The following NRDC variants were observed in gnomAD, a reference collection of about 807,000 sequenced individuals.
NRDC encodes the protein nardilysin.
NRDC carries 54 observed loss-of-function variants against 147.1 expected under a neutral mutation model. That is an observed-to-expected ratio of 0.37 (90% confidence interval 0.29 to 0.46). The LOEUF is 0.46. Ranked by LOEUF, NRDC falls within the 20% of genes least tolerant of loss-of-function variation. The pLI is 1.00. For missense variants in NRDC, 1,082 were observed against 1,370.6 expected, an observed-to-expected ratio of 0.79 and a Z score of 3.33; for synonymous variants, 440 against 482.1, an observed-to-expected ratio of 0.91 and a Z score of 1.14.
intron 1 of NRDC, among the ~76,000 whole-genome samples, chr1:51,873,657 C>T (rs1265000630): frequency 6.6e-6 from 1 of 151,748 alleles, no homozygotes; most frequent in Non-Finnish European, 1.5e-5. Context: ...ATTACAAGCA[C>T]CTGCCACTAC....
chr1:51,814,370 T>C (rs1679863939), intron 13 of NRDC, 181 bp downstream of exon 13: 4 of 601,152 alleles, frequency 6.7e-6, no homozygotes, highest in East Asian at 5.5e-5. Flanking sequence ...TGCCCACATA[T>C]GTGTAAAGCC....
At chr1:51,807,862 A>G (rs1679540469) in intron 17 of NRDC, among the ~76,000 whole-genome samples, 1 of 148,748 alleles carries the variant, frequency 6.7e-6, no homozygotes, top group African/African-American at 2.5e-5. Flanking sequence ...CTGGAGTGCA[A>G]TGGTGCGATC....
At chr1:51,803,712 T>C (rs992734226) in intron 20 of NRDC, 102 bp downstream of exon 20, 1 of 884,174 alleles carries the variant, frequency 1.1e-6, no homozygotes, top group Non-Finnish European at 1.7e-6. Flanking sequence ...TAATCCACAT[T>C]AATAAACATT....
In NRDC at chr1:51,818,085, G is replaced by A; in HGVS notation, c.1342C>T (p.Pro448Ser). Residue 448 changes from proline to serine, a missense_variant, in exon 10 of 31, where the codon CCT becomes TCT. Physicochemically the swap from Pro to Ser is moderately conservative, Grantham distance 74. Transcript: ENST00000352171. ...TCTTACCTGTAATGTTGCTGTTGAG[G>A]AGGAAGTGCCCATGTGATGGTCAGA... ...HALTITWALPPQQQHYRVKPL... is the reference protein window; with the variant it reads ...HALTITWALPSQQQHYRVKPL... The A allele has an allele frequency of 6.2e-7, 1 of 1,605,606 alleles. No homozygotes were observed. Among genetic ancestry groups the A allele is most frequent in the Non-Finnish European group, 8.5e-7 (1 of 1,177,628 alleles).
chr1:51,836,080 T>C, intron 3 of NRDC, 51 bp downstream of exon 3: 2 of 1,379,846 alleles, frequency 1.4e-6, no homozygotes, highest in South Asian at 2.3e-5. Context: ...TTCATATAAG[T>C]TTGGAGGGGG....
chr1:51,840,905 T>A (rs1681237397), intron 1 of NRDC, among the ~76,000 whole-genome samples: 1 of 152,194 alleles, frequency 6.6e-6, no homozygotes, highest in African/African-American at 2.4e-5. Flanking sequence ...TAGGCTAAGA[T>A]AAATTGTATC....
chr1:51,793,563 G>A (rs553819347), intron 24 of NRDC, among the ~76,000 whole-genome samples: 3 of 152,324 alleles, frequency 2.0e-5, no homozygotes, highest in Non-Finnish European at 2.9e-5. Flanking sequence ...AGAGATGACC[G>A]TGACATCGGG....
At chr1:51,834,320 A>G in intron 3 of NRDC, 150 bp from the exon 4 acceptor site, 1 of 834,742 alleles carries the variant, frequency 1.2e-6, no homozygotes, top group South Asian at 1.7e-5. Context: ...TTTCTTTGAG[A>G]CAGAGTCTCA....
intron 15 of NRDC, among the ~76,000 whole-genome samples, chr1:51,811,199 T>C (rs1679697514): frequency 6.6e-6 from 1 of 152,180 alleles, no homozygotes; most frequent in Non-Finnish European, 1.5e-5. Context: ...CCTTTCCCTG[T>C]CCTCTTTAAA....
intron 18 of NRDC, among the ~76,000 whole-genome samples, chr1:51,805,972 A>G (rs914889490): frequency 2.6e-5 from 4 of 152,218 alleles, no homozygotes; most frequent in African/African-American, 9.6e-5. Flanking sequence ...TTCAAAAAAA[A>G]TTATGAAAAT....
chr1:51,853,741 A>C (rs1296823767), intron 1 of NRDC, among the ~76,000 whole-genome samples: 1 of 152,226 alleles, frequency 6.6e-6, no homozygotes, highest in Non-Finnish European at 1.5e-5. Flanking sequence ...ATGGTTGCAA[A>C]TCCCACATGC....
At chr1:51,839,590 T>A (rs946675168) in intron 2 of NRDC, among the ~76,000 whole-genome samples, 7 of 152,342 alleles carry the variant, frequency 4.6e-5, no homozygotes, top group African/African-American at 1.7e-4. Flanking sequence ...AAATTCTCCC[T>A]ATCAAGACTT....
At chr1:51,827,566 C>G (rs1430168680) in intron 5 of NRDC, among the ~76,000 whole-genome samples, 1 of 152,088 alleles carries the variant, frequency 6.6e-6, no homozygotes, top group Non-Finnish European at 1.5e-5. Context: ...ATGGTAAAAC[C>G]TTCGAAAAAC....
At chr1:51,837,458 G>A in intron 2 of NRDC, 1 of 1,536,040 alleles carries the variant, frequency 6.5e-7, no homozygotes, top group Non-Finnish European at 8.9e-7. Context: ...AATCTAACCT[G>A]TTCTGTGATG....
chr1:51,794,961 A>C (rs1010348497), intron 22 of NRDC, 107 bp from the exon 23 acceptor site: 3 of 1,567,334 alleles, frequency 1.9e-6, no homozygotes, highest in Middle Eastern at 1.7e-4. Flanking sequence ...GCATAGCTTT[A>C]GGAAAGCAGA....
rs540385791 is a variant in NRDC at position 51,863,819 on chromosome 1, A to G, written c.341+14456T>C. Among the ~76,000 whole-genome samples, 6 of 152,366 alleles carry G rather than the reference A, an allele frequency of 3.9e-5. No homozygotes were observed. In the East Asian group the frequency reaches 1.2e-3, roughly 29 times the overall value. ...TATAAATGTTTTCCAAGCAAAGAAT[A>G]TGCTCAATTAAAGTCATATACAGAT... is the stretch of plus-strand genomic sequence containing the variant. On this transcript the variant is annotated intron_variant, in intron 1 of 30. Transcript: ENST00000352171.
At chr1:51,849,238 T>C (rs1015991661) in intron 1 of NRDC, among the ~76,000 whole-genome samples, 15 of 150,456 alleles carry the variant, frequency 1.0e-4, no homozygotes, top group African/African-American at 3.2e-4. Context: ...TACAAAAAAA[T>C]AAAAATAAAA....
chr1:51,819,958 T>C (rs547262080), intron 8 of NRDC, 85 bp from the exon 9 acceptor site: 45 of 1,001,404 alleles, frequency 4.5e-5, no homozygotes, highest in Non-Finnish European at 6.7e-5. Flanking sequence ...TGAGAGATAT[T>C]TATAATCTAT....
intron 15 of NRDC, 41 bp from the exon 16 acceptor site, chr1:51,810,445 T>C: frequency 1.3e-6 from 2 of 1,579,046 alleles, no homozygotes; most frequent in Non-Finnish European, 1.7e-6. Context: ...CACACAATTT[T>C]AACCTAATAC....
Sources: gnomAD v4.1 joint callset for allele counts (sites outside exome capture counted in the v4.1 genomes callset) on GRCh38, gnomAD v4.1.1 for gene constraint, MANE v1.5 for transcripts, NCBI Gene and HGNC (gene_info 2026-07-23, HGNC 2026-07-21) for gene names.